FER1L5: variants seen among roughly 807,000 people sequenced by gnomAD.
FER1L5 encodes the protein fer-1 like family member 5, also known as fer-1-like protein 5.
FER1L5 carries 187 observed loss-of-function variants against 279.9 expected under a neutral mutation model. The observed-to-expected ratio is 0.67, with a 90% confidence interval of 0.59 to 0.75. The LOEUF (loss-of-function observed/expected upper bound fraction) is 0.75. Among genes scored for constraint, FER1L5 ranks in the 30% least tolerant of loss-of-function variants. The pLI, the probability that FER1L5 is intolerant of heterozygous loss-of-function variation, is 0.00. For missense variants in FER1L5, 2,091 were observed against 2,594.4 expected (o/e 0.81, Z 4.21); for synonymous variants, 921 against 989.7 (o/e 0.93, Z 1.30).
chr2:96,659,358 C>CTTCCTTCTTTCTTTCTTTCTTTCT (rs2075780305), intron 9 of FER1L5, among the ~76,000 whole-genome samples: 2 of 60,600 alleles, frequency 3.3e-5, no homozygotes, highest in East Asian at 7.5e-4. Flanking sequence ...TCCTTCCTTC[C>CTTCCTTCTTTCTTTCTTTCTTTCT]TTCCTTCTTT....
At chr2:96,685,516 T>TC (rs1177011998) in intron 21 of FER1L5, 87 bp downstream of exon 21, 10 of 1,117,154 alleles carry the variant, frequency 9.0e-6, no homozygotes, top group East Asian at 2.6e-5. Flanking sequence ...CCTGAACACC[T>TC]CCCCCCGCCC....
intron 19 of FER1L5, among the ~76,000 whole-genome samples, chr2:96,683,369 G>A (rs1031118983): frequency 3.3e-5 from 5 of 151,942 alleles, no homozygotes; most frequent in African/African-American, 2.4e-5. Context: ...CTCTGCTCTC[G>A]CACAGTGTCT....
intron 34 of FER1L5, 28 bp from the exon 35 acceptor site, chr2:96,695,481 G>C: frequency 1.3e-6 from 2 of 1,558,042 alleles, no homozygotes; most frequent in African/African-American, 2.7e-5. Context: ...CCTGCCCCTT[G>C]TCCTGCCCTC....
intron 18 of FER1L5, among the ~76,000 whole-genome samples, chr2:96,671,078 G>A (rs2076306235): frequency 8.7e-6 from 1 of 115,184 alleles, no homozygotes; most frequent in South Asian, 3.1e-4. Context: ...CTGCACTCCA[G>A]CCTGGGTGAC....
At position 96,690,556 on chromosome 2, in the gene FER1L5, G is replaced by C. The variant is rs940603885; in HGVS notation, c.2710G>C (p.Val904Leu). 2 of 1,551,606 alleles carry C rather than the reference G, an allele frequency of 1.3e-6. No homozygotes were observed. The highest frequency in any genetic ancestry group is 2.7e-5 in the African/African-American group (2 of 73,054). ...PQGWHFKKDW[V>L]VELNHAVDSK... ...AGGCTGGCACTTTAAGAAGGACTGG[G>C]TGGTGGAGCTGAACCACGCAGTGGA... The change falls in exon 27 of 53, where the codon GTG becomes CTG. Residue 904 changes from valine (V) to leucine (L), a missense_variant. Physicochemically the swap from Val to Leu is conservative, Grantham distance 32 (BLOSUM62 1). Transcript: ENST00000624922.
Position 96,663,505 on chromosome 2 carries a change from C to G in FER1L5, c.1138C>G (p.Gln380Glu). The change falls in exon 14 of 53, where the codon CAG becomes GAG. Residue 380 changes from glutamine (Q) to glutamate (E), a missense_variant and splice_region_variant. By Grantham distance (29) the Gln-to-Glu change is conservative. Transcript: ENST00000624922. Reference protein sequence around the residue: ...IWNQILTFRIQLPCLSSYIKF... With the variant: ...IWNQILTFRIELPCLSSYIKF... ...GAACCAGATCCTGACCTTCCGGATT[C>G]AGGTATGGCTCCTCCATCATGCCCA... 1.3e-6 allele frequency: 2 copies of G among 1,551,574 alleles called. No homozygotes were observed. The highest frequency in any genetic ancestry group is 8.7e-7 in the Non-Finnish European group (1 of 1,146,918).
At chr2:96,687,607 G>A (rs1316038757) in intron 23 of FER1L5, 3 of 660,872 alleles carry the variant, frequency 4.5e-6, no homozygotes, top group Non-Finnish European at 7.6e-6. Context: ...CACCCTCTCT[G>A]CTTCATGGCT....
intron 31 of FER1L5, among the ~76,000 whole-genome samples, chr2:96,692,975 A>T (rs1362892633): frequency 2.0e-5 from 3 of 152,164 alleles, no homozygotes; most frequent in Non-Finnish European, 4.4e-5. Flanking sequence ...CAGGAATTCG[A>T]GACCAGCCTG....
At chr2:96,667,133 G>A (rs2076152695) in intron 14 of FER1L5, among the ~76,000 whole-genome samples, 1 of 152,078 alleles carries the variant, frequency 6.6e-6, no homozygotes, top group Non-Finnish European at 1.5e-5. Flanking sequence ...TCCTCAAGGG[G>A]TTACAGCAGA....
Position 96,684,383 on chromosome 2 carries a change from T to G in FER1L5, c.1726T>G (p.Ser576Ala), listed in dbSNP as rs200295527. The change falls in exon 20 of 53, where the codon TCC (serine) becomes GCC (alanine). Residue 576 changes from serine (S) to alanine (A), a missense_variant. Transcript: ENST00000624922. The part of the protein sequence containing the change: ...YNTKPVVAVT[S>A]NWEDVSFRMN... ...CACCAAGCCTGTCGTGGCCGTGACC[T>G]CCAACTGGGAGGACGTCAGCTTCCG... 1,167 of 1,551,614 alleles carry G rather than the reference T, an allele frequency of 7.5e-4. No homozygotes were observed. Among genetic ancestry groups the G allele is most frequent in the Non-Finnish European group, 9.5e-4 (1,093 of 1,146,964 alleles).
Position 96,663,452 on chromosome 2 carries a change from T to C in FER1L5, c.1085T>C (p.Met362Thr), listed in dbSNP as rs2106536951. ...GGGACATTCCAGCTCAGGACACACA[T>C]GCAGACCCAAACCGACAACCCGATA... ...ELIGEKLRTH[M>T]QTQTDNPIWN... Residue 362 changes from methionine (M) to threonine (T), a missense_variant, in exon 14 of 53, where the codon ATG (methionine) becomes ACG (threonine). Met to Thr is a moderately conservative substitution (Grantham distance 81). Coordinates refer to ENST00000624922, the MANE Select transcript of FER1L5 (RefSeq NM_001293083.2). The C allele has an allele frequency of 1.3e-6, 2 of 1,551,584 alleles. No homozygotes were observed. Among genetic ancestry groups the C allele is most frequent in the East Asian group, 2.4e-5 (1 of 40,900 alleles).
intron 18 of FER1L5, among the ~76,000 whole-genome samples, chr2:96,672,291 T>C (rs2076356476): frequency 6.6e-6 from 1 of 152,000 alleles, no homozygotes; most frequent in Non-Finnish European, 1.5e-5. Context: ...TTGGCCAGGA[T>C]GGTCTTGATC....
At position 96,702,812 on chromosome 2, in the gene FER1L5, C is replaced by T. The variant is rs912158226; in HGVS notation, c.5397+71C>T. ...CCCAGGCTCCTGGAGCTCCTCCCCCCACCCCTCCAGAGGCTTGCAATCTGT... is the reference window on the plus strand; with the variant it reads ...CCCAGGCTCCTGGAGCTCCTCCCCCTACCCCTCCAGAGGCTTGCAATCTGT... On this transcript the variant is annotated intron_variant, in intron 48 of 52. Coordinates refer to ENST00000624922, the MANE Select transcript of FER1L5 (RefSeq NM_001293083.2). This position sits in a 1 kb window ranked among gnomAD's most constrained non-coding sequence, Gnocchi z 4.0. 7 of 1,582,750 alleles carry T rather than the reference C, an allele frequency of 4.4e-6. No homozygotes were observed. Among genetic ancestry groups the T allele is most frequent in the African/African-American group, 1.3e-5 (1 of 74,200 alleles).
In FER1L5 at chr2:96,659,337, C is replaced by T. The variant is rs1247471688; in HGVS notation, c.748-1004C>T. Among the ~76,000 whole-genome samples, 8 of 80,334 alleles carry T rather than the reference C, an allele frequency of 1.0e-4. 1 individual carries two copies. The East Asian group carries it at 1.2e-3, about 12-fold the overall frequency. The allele number at this position is 80,334 out of a possible 152,430, so 52.7% of individuals were successfully genotyped here. ...TCCTTCCTTCCTTCCTTCCTTCCTT[C>T]CTTCCTTCCTTCCTTCCTTCCTTCC... On this transcript the variant is annotated intron_variant, in intron 9 of 52. Coordinates refer to ENST00000624922, the MANE Select transcript of FER1L5 (RefSeq NM_001293083.2).
intron 13 of FER1L5, 61 bp from the exon 14 acceptor site, chr2:96,663,378 G>A: frequency 1.4e-6 from 2 of 1,467,786 alleles, no homozygotes; most frequent in Non-Finnish European, 1.9e-6. Context: ...GAGCTGGAAG[G>A]TGAGGTCAGT....
At chr2:96,668,292 C>T (rs1021782727) in intron 14 of FER1L5, among the ~76,000 whole-genome samples, 9 of 152,066 alleles carry the variant, frequency 5.9e-5, no homozygotes, top group African/African-American at 1.7e-4. Flanking sequence ...GAGAGCCCTA[C>T]GCAGGAGGAT....
rs558330622 is a variant in FER1L5, at chr2:96,690,608, G to A, written c.2743+19G>A. 10 of 1,548,812 alleles carry A rather than the reference G, an allele frequency of 6.5e-6. No individual in the cohort carries two copies. In the African/African-American group the frequency reaches 1.1e-4, roughly 17 times the overall value. On this transcript the variant is annotated intron_variant, in intron 27 of 52. Transcript: ENST00000624922. ...AGTAAGGGTCAGTCGTTTGGTCAGGGTTGGGATCGGGAGAGACCAGGGCCT... is the reference window on the plus strand; with the variant it reads ...AGTAAGGGTCAGTCGTTTGGTCAGGATTGGGATCGGGAGAGACCAGGGCCT...
chr2:96,680,577 C>T (rs1333943012), intron 19 of FER1L5, among the ~76,000 whole-genome samples: 3 of 152,006 alleles, frequency 2.0e-5, no homozygotes, highest in African/African-American at 7.3e-5. Flanking sequence ...TCGGCATCTC[C>T]CTTTTTCCCT....
intron 9 of FER1L5, among the ~76,000 whole-genome samples, chr2:96,659,362 C>T (rs12717783): frequency 0.014 from 828 of 61,288 alleles, 114 homozygotes; most frequent in Middle Eastern, 0.1. Flanking sequence ...TCCTTCCTTC[C>T]TTCTTTCTTT....
Sources: allele counts gnomAD v4.1 joint callset (sites outside exome capture counted in the v4.1 genomes callset), GRCh38; gene constraint gnomAD v4.1.1; non-coding constraint Gnocchi (gnomAD v3.1); transcripts MANE v1.5; gene names NCBI Gene and HGNC (gene_info 2026-07-23, HGNC 2026-07-21).